The following DTD1 variants were observed in gnomAD, a reference collection of about 807,000 sequenced individuals.
The protein encoded by DTD1 is D-tyrosyl-tRNA deacylase 1 homolog.
DTD1 carries 13 observed loss-of-function variants against 25.6 expected under a neutral mutation model. The observed-to-expected ratio is 0.51, with a 90% CI of 0.33 to 0.81. The LOEUF (loss-of-function observed/expected upper bound fraction) is 0.81. DTD1 is among the 30% of genes least tolerant of loss of function. The pLI is 0.02. For missense variants in DTD1, 193 were observed against 266.4 expected, an observed-to-expected ratio of 0.72 and a Z score of 1.92; for synonymous variants, 110 against 103.6, an observed-to-expected ratio of 1.06 and a Z score of -0.37.
At chr20:18,599,898 A>G (rs1457549270) in intron 3 of DTD1, among the ~76,000 whole-genome samples, 2 of 152,168 alleles carry the variant, frequency 1.3e-5, no homozygotes, top group African/African-American at 4.8e-5. Context: ...TTCTTTTTAT[A>G]TTTTGGATAC....
At chr20:18,699,079 C>T (rs2061091675) in intron 4 of DTD1, among the ~76,000 whole-genome samples, 1 of 152,154 alleles carries the variant, frequency 6.6e-6, no homozygotes, top group South Asian at 2.1e-4. Context: ...GGATTTGTGG[C>T]ATTTTCACAC....
rs143962257 is a variant in DTD1, at chr20:18,619,651, C to T, written c.371-8476C>T. Among the ~76,000 whole-genome samples, 5 of 152,248 alleles carry T rather than the reference C, an allele frequency of 3.3e-5. No individual in the cohort carries two copies. In the South Asian group the frequency reaches 8.3e-4, roughly 25 times the overall value. Reference sequence around the variant, plus strand: ...TGTTGCCCAGGCTGGTCTTGAACTCCTGAGCTCAGGCTATCTGCCCGCCTC... The same window carrying T: ...TGTTGCCCAGGCTGGTCTTGAACTCTTGAGCTCAGGCTATCTGCCCGCCTC... On this transcript the variant is annotated intron_variant, in intron 3 of 5. Transcript: ENST00000377452.
intron 4 of DTD1, among the ~76,000 whole-genome samples, chr20:18,714,138 A>G (rs1431950546): frequency 3.3e-5 from 5 of 152,238 alleles, no homozygotes; most frequent in Non-Finnish European, 5.9e-5. Context: ...CAGGATGAGA[A>G]AGGGGAGTCT....
At chr20:18,687,335 A>T (rs1457636886) in intron 4 of DTD1, among the ~76,000 whole-genome samples, 1 of 152,150 alleles carries the variant, frequency 6.6e-6, no homozygotes, top group East Asian at 1.9e-4. Context: ...GGGTGTCAGG[A>T]CCAGGGACAC....
At chr20:18,721,866 C>CTG (rs758810636) in intron 4 of DTD1, among the ~76,000 whole-genome samples, 15 of 134,852 alleles carry the variant, frequency 1.1e-4, no homozygotes, top group Non-Finnish European at 2.2e-4. Context: ...AGCTCCAGCC[C>CTG]TGCGCTCTGT....
chr20:18,716,102 T>C (rs1383439158), intron 4 of DTD1, among the ~76,000 whole-genome samples: 1 of 152,188 alleles, frequency 6.6e-6, no homozygotes, highest in Non-Finnish European at 1.5e-5. Context: ...GCACCCAGCA[T>C]GTTTCAATGG....
At chr20:18,628,334 C>A in intron 4 of DTD1, 101 bp downstream of exon 4, 1 of 880,048 alleles carries the variant, frequency 1.1e-6, no homozygotes, top group Non-Finnish European at 1.8e-6. Flanking sequence ...ATCATTGTTG[C>A]AACGTTGTAT....
At chr20:18,721,816 GA>G (rs1230670750) in intron 4 of DTD1, among the ~76,000 whole-genome samples, 1 of 152,132 alleles carries the variant, frequency 6.6e-6, no homozygotes, top group Non-Finnish European at 1.5e-5. Context: ...ACACAGATGG[GA>G]AGCTGTGGGG....
At chr20:18,705,600 T>C (rs1392436453) in intron 4 of DTD1, among the ~76,000 whole-genome samples, 2 of 152,108 alleles carry the variant, frequency 1.3e-5, no homozygotes, top group Non-Finnish European at 2.9e-5. Context: ...TGGTGAAGAA[T>C]CTGAGCCCTT....
At chr20:18,588,527 A>G (rs1263388783) in intron 1 of DTD1, among the ~76,000 whole-genome samples, 2 of 152,146 alleles carry the variant, frequency 1.3e-5, no homozygotes, top group African/African-American at 4.8e-5. Flanking sequence ...CTGTATTTTA[A>G]ATGTTCAATT....
At chr20:18,692,245 T>C (rs2061050437) in intron 4 of DTD1, among the ~76,000 whole-genome samples, 1 of 152,210 alleles carries the variant, frequency 6.6e-6, no homozygotes, top group Non-Finnish European at 1.5e-5. Flanking sequence ...ACATGATACC[T>C]AAGACAAGGA....
At chr20:18,737,996 C>T (rs1410011391) in intron 4 of DTD1, among the ~76,000 whole-genome samples, 1 of 152,178 alleles carries the variant, frequency 6.6e-6, no homozygotes, top group Non-Finnish European at 1.5e-5. Context: ...CTCTGCTTTA[C>T]CCCTAATACA....
chr20:18,591,518 T>C (rs1056902514), intron 1 of DTD1, among the ~76,000 whole-genome samples: 7 of 152,154 alleles, frequency 4.6e-5, no homozygotes, highest in Admixed American at 2.0e-4. Context: ...TAAAAATTTA[T>C]ATGCAATGTT....
chr20:18,717,471 C>T (rs1435138400), intron 4 of DTD1, among the ~76,000 whole-genome samples: 2 of 152,084 alleles, frequency 1.3e-5, no homozygotes, highest in South Asian at 2.1e-4. Context: ...CAGTAAGTGA[C>T]AAAAATAGAC....
At chr20:18,741,314 T>G (rs2061277186) in intron 4 of DTD1, among the ~76,000 whole-genome samples, 1 of 152,088 alleles carries the variant, frequency 6.6e-6, no homozygotes, top group African/African-American at 2.4e-5. Context: ...ACCACAGAGC[T>G]CACAGTTGAG....
intron 3 of DTD1, among the ~76,000 whole-genome samples, chr20:18,624,318 G>C (rs1192744901): frequency 6.6e-6 from 1 of 152,218 alleles, no homozygotes; most frequent in African/African-American, 2.4e-5. Context: ...ATAATAAAGT[G>C]CCAGCAACAT....
chr20:18,677,427 C>G (rs1011430944), intron 4 of DTD1, among the ~76,000 whole-genome samples: 1 of 152,110 alleles, frequency 6.6e-6, no homozygotes, highest in Non-Finnish European at 1.5e-5. Context: ...CCTCCCAGAG[C>G]TGTTTTCTCT....
chr20:18,724,185 T>C (rs1209106876), intron 4 of DTD1, among the ~76,000 whole-genome samples: 2 of 152,154 alleles, frequency 1.3e-5, no homozygotes, highest in African/African-American at 4.8e-5. Context: ...ATGAGCTCTG[T>C]GATGGTTTAG....
At chr20:18,640,506 G>T (rs1371507446) in intron 4 of DTD1, among the ~76,000 whole-genome samples, 1 of 151,818 alleles carries the variant, frequency 6.6e-6, no homozygotes, top group Non-Finnish European at 1.5e-5. Flanking sequence ...GTGGGTATAT[G>T]TCAGAAGATT....
Sources: allele counts gnomAD v4.1 joint callset (sites outside exome capture counted in the v4.1 genomes callset), GRCh38; gene constraint gnomAD v4.1.1; transcripts MANE v1.5; gene names NCBI Gene and HGNC (gene_info 2026-07-23, HGNC 2026-07-21).